Variants in DNAH9 observed in about 807,000 individuals in gnomAD.
DNAH9 encodes the protein dynein axonemal heavy chain 9.
A neutral mutation model predicts 471.6 loss-of-function variants in DNAH9; 345 were observed. The ratio of observed to expected loss-of-function variants is 0.73; its 90% CI spans 0.67 to 0.80. DNAH9 has a LOEUF of 0.80. Among genes scored for constraint, DNAH9 ranks in the 30% least tolerant of loss-of-function variants. DNAH9 has a pLI of 0.00. For synonymous variants in DNAH9, 2,093 were observed against 2,123.6 expected (o/e 0.99, Z 0.40); for missense variants, 5,407 against 5,609.2 (o/e 0.96, Z 1.15).
chr17:11,734,891 G>A (rs2075320970), intron 28 of DNAH9, among the ~76,000 whole-genome samples: 1 of 152,238 alleles, frequency 6.6e-6, no homozygotes, highest in Non-Finnish European at 1.5e-5. Context: ...ATGGGGCCAT[G>A]TGGGCAGAGG....
intron 17 of DNAH9, among the ~76,000 whole-genome samples, chr17:11,676,336 G>T (rs1405030738): frequency 7.5e-6 from 1 of 133,590 alleles, no homozygotes; most frequent in Non-Finnish European, 1.5e-5. Context: ...AGGCCGCAGT[G>T]CAATGGCACG....
rs1490528559 is a variant in DNAH9 at position 11,598,685 on chromosome 17, G to C, written c.187G>C (p.Asp63His). ...EQLLQAFLGR[D>H]AAEGPRPLLV... ...GCTGCTCCAGGCCTTCCTGGGCCGC[G>C]ATGCTGCCGAGGGGCCGCGGCCGCT... The change falls in exon 1 of 69, where the codon GAT becomes CAT. Residue 63 changes from aspartate to histidine, a missense_variant. Around this residue, in one of 3 missense-constraint regions of DNAH9, gnomAD observed 767 missense variants for 692.5 expected, o/e 1.11. Coordinates refer to ENST00000262442, the MANE Select transcript of DNAH9 (RefSeq NM_001372.4). 2.9e-6 allele frequency: 4 copies of C among 1,366,030 alleles called. No individual in the cohort carries two copies. The highest frequency in any genetic ancestry group is 3.1e-5 in the East Asian group (1 of 32,278). 84.6% of individuals were successfully genotyped at this position (1,366,030 alleles called of 1,614,324 possible).
intron 10 of DNAH9, 122 bp downstream of exon 10, chr17:11,640,506 A>T (rs2073251442): frequency 1.3e-6 from 1 of 759,978 alleles, no homozygotes; most frequent in African/African-American, 1.7e-5. Flanking sequence ...CTTTCTTTCC[A>T]TTTCCAGCAA....
chr17:11,961,117 C>G (rs1976121105), intron 67 of DNAH9, among the ~76,000 whole-genome samples: 1 of 152,102 alleles, frequency 6.6e-6, no homozygotes, highest in Non-Finnish European at 1.5e-5. Context: ...GAGTTCAAGA[C>G]CAGCCAGACC....
chr17:11,708,838 T>C (rs2074778937), intron 26 of DNAH9, among the ~76,000 whole-genome samples: 1 of 152,182 alleles, frequency 6.6e-6, no homozygotes, highest in South Asian at 2.1e-4. Context: ...CTAGACTGTA[T>C]GTTCCGAGAT....
At chr17:11,896,800 G>C (rs1226522915) in intron 59 of DNAH9, among the ~76,000 whole-genome samples, 1 of 152,144 alleles carries the variant, frequency 6.6e-6, no homozygotes, top group East Asian at 1.9e-4. Flanking sequence ...TTTAAAAATG[G>C]ATAAAATTGA....
intron 67 of DNAH9, among the ~76,000 whole-genome samples, chr17:11,946,853 G>A (rs554964655): frequency 6.6e-6 from 1 of 152,104 alleles, no homozygotes; most frequent in Non-Finnish European, 1.5e-5. Flanking sequence ...ACATTAATTG[G>A]ACAAACCCAA....
intron 24 of DNAH9, among the ~76,000 whole-genome samples, chr17:11,703,815 A>G (rs933908776): frequency 6.6e-6 from 1 of 152,156 alleles, no homozygotes; most frequent in Admixed American, 6.5e-5. Context: ...AGAGGAGCAG[A>G]AGACTGGGTG....
intron 41 of DNAH9, among the ~76,000 whole-genome samples, chr17:11,787,332 A>T (rs1968909071): frequency 6.6e-6 from 1 of 152,234 alleles, no homozygotes; most frequent in African/African-American, 2.4e-5. Context: ...TGATTGGCAC[A>T]AGAGTAGTTA....
intron 55 of DNAH9, among the ~76,000 whole-genome samples, chr17:11,881,829 T>C (rs942291507): frequency 1.3e-5 from 2 of 152,094 alleles, no homozygotes. Flanking sequence ...GGAGAATCTC[T>C]TGAACCCGGG....
intron 13 of DNAH9, among the ~76,000 whole-genome samples, chr17:11,652,115 G>T (rs187875214): frequency 5.3e-5 from 8 of 152,144 alleles, no homozygotes; most frequent in Middle Eastern, 3.4e-3. Context: ...TGATGAAAGT[G>T]CTTAAAACAT....
At chr17:11,787,846 T>G (rs1968926175) in intron 41 of DNAH9, among the ~76,000 whole-genome samples, 1 of 152,146 alleles carries the variant, frequency 6.6e-6, no homozygotes, top group Admixed American at 6.5e-5. Flanking sequence ...ATCTTTCTCA[T>G]TTTCTCTTGC....
intron 48 of DNAH9, among the ~76,000 whole-genome samples, chr17:11,826,900 C>G (rs1419742878): frequency 6.9e-6 from 1 of 145,432 alleles, no homozygotes; most frequent in East Asian, 2.2e-4. Context: ...TCTTGGCTCA[C>G]TGCAACCTCC....
At chr17:11,884,086 G>T (rs1028320349) in intron 56 of DNAH9, among the ~76,000 whole-genome samples, 10 of 152,170 alleles carry the variant, frequency 6.6e-5, no homozygotes, top group Non-Finnish European at 1.3e-4. Flanking sequence ...GTGTGGAATT[G>T]CCCTGAAGCT....
At chr17:11,792,941 A>T (rs1278546918) in intron 41 of DNAH9, among the ~76,000 whole-genome samples, 3 of 152,232 alleles carry the variant, frequency 2.0e-5, no homozygotes, top group Non-Finnish European at 2.9e-5. Flanking sequence ...TCATGGGATC[A>T]TCATGAGTAT....
intron 39 of DNAH9, 88 bp from the exon 40 acceptor site, chr17:11,783,558 A>G: frequency 3.3e-6 from 3 of 912,654 alleles, no homozygotes; most frequent in Non-Finnish European, 5.2e-6. Flanking sequence ...ACACATGAAC[A>G]GTAGGGCACA....
chr17:11,615,989 T>C (rs1233370090), intron 4 of DNAH9, among the ~76,000 whole-genome samples: 1 of 152,162 alleles, frequency 6.6e-6, no homozygotes, highest in African/African-American at 2.4e-5. Flanking sequence ...TTGCAAAAAA[T>C]TCGATTCACA....
intron 50 of DNAH9, among the ~76,000 whole-genome samples, chr17:11,867,699 A>G (rs1972110076): frequency 6.6e-6 from 1 of 152,200 alleles, no homozygotes; most frequent in South Asian, 2.1e-4. Context: ...AAGAGTAGCG[A>G]TCAAAAGCTA....
chr17:11,933,826 AC>A, intron 64 of DNAH9, 53 bp from the exon 65 acceptor site: 1 of 1,543,858 alleles, frequency 6.5e-7, no homozygotes, highest in Non-Finnish European at 8.8e-7. Flanking sequence ...GCCAGCCCCG[AC>A]GCCTGTGTGG....
Sources: gnomAD v4.1 joint callset for allele counts (sites outside exome capture counted in the v4.1 genomes callset) on GRCh38, gnomAD v4.1.1 for gene constraint, gnomAD v4.1.1 regional missense constraint, MANE v1.5 for transcripts, NCBI Gene and HGNC (gene_info 2026-07-23, HGNC 2026-07-21) for gene names.